The following RNF150 variants were observed in gnomAD, a reference collection of about 807,000 sequenced individuals.
RNF150 encodes ring finger protein 150.
A neutral mutation model predicts 39.3 loss-of-function variants in RNF150; 24 were observed. That is an observed-to-expected ratio of 0.61 (90% CI 0.44 to 0.86). The LOEUF is 0.86. Among genes scored for constraint, RNF150 ranks in the 40% least tolerant of loss-of-function variants. The pLI, the probability that RNF150 is intolerant of heterozygous loss-of-function variation, is 0.00. For synonymous variants in RNF150, 255 were observed against 227.3 expected, an observed-to-expected ratio of 1.12 and a Z score of -1.10; for missense variants, 502 against 587.8, an observed-to-expected ratio of 0.85 and a Z score of 1.51.
Position 140,938,885 on chromosome 4 carries a change from T to C in RNF150, c.890+8769A>G, listed in dbSNP as rs143953623. On this transcript the variant is annotated intron_variant, in intron 4 of 6. Transcript: ENST00000515673. ...AATAATGAGGTCCATGTTAAAAATA[T>C]ACATCAGTCACATTAACTGAGACAG... 1.2e-4 allele frequency among the ~76,000 whole-genome samples: 19 copies of C among 152,336 alleles called. No individual in the cohort carries two copies. The East Asian group carries it at 3.1e-3, about 25-fold the overall frequency.
intron 1 of RNF150, among the ~76,000 whole-genome samples, chr4:140,979,907 C>T (rs1733799897): frequency 6.6e-6 from 1 of 152,090 alleles, no homozygotes; most frequent in Non-Finnish European, 1.5e-5. Context: ...ATTCATATTA[C>T]TCTCTTAAGG....
intron 1 of RNF150, among the ~76,000 whole-genome samples, chr4:140,993,131 A>G (rs1184289810): frequency 6.6e-6 from 1 of 152,178 alleles, no homozygotes; most frequent in Non-Finnish European, 1.5e-5. Context: ...ACACAAAATT[A>G]TCTTACAGTT....
At chr4:141,134,619 A>G (rs1329889384), upstream of RNF150, among the ~76,000 whole-genome samples, 2 of 152,178 alleles carry the variant, frequency 1.3e-5, no homozygotes, top group Non-Finnish European at 2.9e-5. Context: ...GCTGTACCCA[A>G]ATTAGAAGCA....
At chr4:141,104,976 C>T (rs1395669) in intron 1 of RNF150, among the ~76,000 whole-genome samples, 115,935 of 152,062 alleles carry the variant, frequency 0.76, 45,416 homozygotes, top group East Asian at 0.88. Flanking sequence ...TTAACCCCAT[C>T]GTGATTTAAC....
At chr4:141,041,624 T>C (rs1464223864) in intron 1 of RNF150, among the ~76,000 whole-genome samples, 1 of 152,122 alleles carries the variant, frequency 6.6e-6, no homozygotes, top group Non-Finnish European at 1.5e-5. Flanking sequence ...TTCTATGGGC[T>C]GTTTTGCCTA....
intron 1 of RNF150, among the ~76,000 whole-genome samples, chr4:141,062,406 T>C (rs1486298994): frequency 3.3e-5 from 5 of 152,062 alleles, no homozygotes; most frequent in Non-Finnish European, 7.4e-5. Context: ...CACACGCACA[T>C]ACAGTAGCAA....
intron 1 of RNF150, among the ~76,000 whole-genome samples, chr4:141,113,212 T>A (rs1423691830): frequency 6.6e-6 from 1 of 151,834 alleles, no homozygotes; most frequent in East Asian, 1.9e-4. Flanking sequence ...ACCCCGCTTC[T>A]GAGCCTACTT....
chr4:141,136,503 T>C (rs964241993), upstream of RNF150, among the ~76,000 whole-genome samples: 4 of 152,254 alleles, frequency 2.6e-5, no homozygotes, highest in African/African-American at 9.6e-5. Flanking sequence ...AATGATTTTC[T>C]GGCAACCCTG....
chr4:141,124,564 T>C (rs975320051), intron 1 of RNF150, among the ~76,000 whole-genome samples: 3 of 152,218 alleles, frequency 2.0e-5, no homozygotes, highest in Non-Finnish European at 2.9e-5. Context: ...GTGGGTTTCA[T>C]CAGTGCATGG....
At chr4:140,942,625 G>A (rs1284728329) in intron 4 of RNF150, among the ~76,000 whole-genome samples, 2 of 152,116 alleles carry the variant, frequency 1.3e-5, no homozygotes, top group African/African-American at 4.8e-5. Flanking sequence ...GCTTGGGGAT[G>A]CTTGGGGCCA....
intron 1 of RNF150, among the ~76,000 whole-genome samples, chr4:141,190,145 C>T (rs1263607449): frequency 6.6e-6 from 1 of 152,156 alleles, no homozygotes; most frequent in Non-Finnish European, 1.5e-5. Context: ...GCTTGCCCTC[C>T]AGGGGCTGTA....
intron 1 of RNF150, among the ~76,000 whole-genome samples, chr4:141,093,007 C>T (rs962923963): frequency 4.6e-5 from 7 of 152,098 alleles, no homozygotes; most frequent in Non-Finnish European, 1.0e-4. Context: ...CTCCTAGTGG[C>T]CTTGAGCCAG....
chr4:140,903,180 A>C (rs1730249554), intron 6 of RNF150, among the ~76,000 whole-genome samples: 1 of 152,232 alleles, frequency 6.6e-6, no homozygotes, highest in African/African-American at 2.4e-5. Flanking sequence ...ACTGGAGGCC[A>C]AACCAGGACT....
chr4:141,027,874 T>G (rs1331650496), intron 1 of RNF150, among the ~76,000 whole-genome samples: 1 of 151,176 alleles, frequency 6.6e-6, no homozygotes, highest in Non-Finnish European at 1.5e-5. Context: ...GCACTAGTGT[T>G]CTTAAAGATC....
intron 6 of RNF150, among the ~76,000 whole-genome samples, chr4:140,883,975 A>G (rs1452014277): frequency 6.7e-6 from 1 of 148,236 alleles, no homozygotes; most frequent in Non-Finnish European, 1.5e-5. Context: ...ATTGTACTTC[A>G]CTTTTTTTTT....
intron 1 of RNF150, among the ~76,000 whole-genome samples, chr4:141,030,902 CT>C (rs1735918840): frequency 6.6e-6 from 1 of 152,028 alleles, no homozygotes; most frequent in South Asian, 2.1e-4. Context: ...TGTCAATATA[CT>C]TCACAGTATT....
Position 141,187,534 on chromosome 4 carries a change from C to T in RNF150, c.-6+25260G>A, listed in dbSNP as rs369223588. On this transcript the variant is annotated intron_variant, in intron 1 of 7. Coordinates refer to the RNF150 transcript ENST00000420921. ...AAATTGCTTTACGGATCTGGGTGCTCGTGTATTGGGTGCATATATATTTAG... is the reference window on the plus strand; with the variant it reads ...AAATTGCTTTACGGATCTGGGTGCTTGTGTATTGGGTGCATATATATTTAG... 3.8e-4 allele frequency among the ~76,000 whole-genome samples: 58 copies of T among 152,186 alleles called. 1 individual carries two copies. The highest frequency in any genetic ancestry group is 1.4e-3 in the African/African-American group (57 of 41,518).
chr4:140,963,541 T>A (rs1261867948), intron 2 of RNF150, among the ~76,000 whole-genome samples: 1 of 136,720 alleles, frequency 7.3e-6, no homozygotes, highest in African/African-American at 2.5e-5. Flanking sequence ...CAGCTCTAGA[T>A]CACAGAAAAT....
Position 140,947,665 on chromosome 4 carries a change from G to A in RNF150, c.879C>T (p.Ile293=). 6.2e-7 allele frequency: 1 copy of A among 1,610,636 alleles called. No individual in the cohort carries two copies. ...EGYKPNDVVR[I]LPCRHLFHKS... ...GCCTAGTGACTCACCGGCAGGGCAG[G>A]ATCCGGACAACGTCATTGGGCTTGT... The change falls in exon 4 of 7, where the codon ATC becomes ATT. Residue 293 remains isoleucine, a synonymous_variant. Transcript: ENST00000515673.
Sources: allele counts gnomAD v4.1 joint callset (sites outside exome capture counted in the v4.1 genomes callset), GRCh38; gene constraint gnomAD v4.1.1; transcripts MANE v1.5; gene names NCBI Gene and HGNC (gene_info 2026-07-23, HGNC 2026-07-21).